The following NDRG1 variants were observed in gnomAD, a reference collection of about 807,000 sequenced individuals.
NDRG1 encodes N-myc downstream regulated 1.
Under a neutral mutation model 56.9 loss-of-function variants are expected in NDRG1, and 32 were observed. The ratio of observed to expected loss-of-function variants is 0.56; its 90% CI spans 0.42 to 0.76. NDRG1 has a LOEUF of 0.76. Among genes scored for constraint, NDRG1 ranks in the 30% least tolerant of loss-of-function variants. The pLI, the probability that NDRG1 is intolerant of heterozygous loss-of-function variation, is 0.00. For missense variants in NDRG1, 507 were observed against 545.7 expected (o/e 0.93, Z 0.71); for synonymous variants, 211 against 204.1 (o/e 1.03, Z -0.29).
rs991277941 is a variant in NDRG1, at chr8:133,244,478, G to A, written c.856-88C>T. On this transcript the variant is annotated intron_variant, in intron 13 of 15. Coordinates refer to ENST00000323851, the MANE Select transcript of NDRG1 (RefSeq NM_006096.4). ...ATTTTTTCCGAAAGGATGCCCATCC[G>A]CCCGCTGCCCTGCCCTGCCTTGTCC... The A allele has an allele frequency of 4.5e-5, 66 of 1,462,696 alleles. No individual in the cohort carries two copies. The African/African-American group carries it at 7.8e-4, about 17-fold the overall frequency. 90.6% of individuals were successfully genotyped at this position (1,462,696 alleles called of 1,614,324 possible).
At chr8:133,293,568 T>C (rs1461039940) in intron 1 of NDRG1, among the ~76,000 whole-genome samples, 1 of 152,200 alleles carries the variant, frequency 6.6e-6, no homozygotes, top group Non-Finnish European at 1.5e-5. Flanking sequence ...CAAGGCACTA[T>C]AGCAAACAAG....
intron 1 of NDRG1, among the ~76,000 whole-genome samples, chr8:133,286,749 T>A (rs999646604): frequency 2.0e-5 from 3 of 152,184 alleles, no homozygotes; most frequent in Admixed American, 2.0e-4. Context: ...CAATGTCTAG[T>A]GACATTATTT....
intron 10 of NDRG1, chr8:133,249,275 C>T (rs532261412): frequency 9.3e-6 from 2 of 214,440 alleles, no homozygotes; most frequent in African/African-American, 4.5e-5. Context: ...TCGTGTGAGG[C>T]CCAGTGTGGG....
chr8:133,281,455 G>A (rs1857797100), intron 2 of NDRG1, among the ~76,000 whole-genome samples: 1 of 152,028 alleles, frequency 6.6e-6, no homozygotes, highest in South Asian at 2.1e-4. Flanking sequence ...GAAAAGTCTT[G>A]TGTCCCCTCT....
chr8:133,273,172 AAC>A (rs35377463), intron 3 of NDRG1, among the ~76,000 whole-genome samples: 101,080 of 151,952 alleles, frequency 0.67, 35,506 homozygotes, highest in East Asian at 1. Flanking sequence ...TGAGCACACA[AAC>A]ACAGATTCCC....
chr8:133,282,141 T>C (rs920880939), intron 2 of NDRG1, among the ~76,000 whole-genome samples: 10 of 152,250 alleles, frequency 6.6e-5, no homozygotes, highest in South Asian at 2.1e-4. Flanking sequence ...ATGTGTTTCA[T>C]ACATAAAATG....
At chr8:133,289,128 C>T (rs1174521495) in intron 1 of NDRG1, among the ~76,000 whole-genome samples, 1 of 152,144 alleles carries the variant, frequency 6.6e-6, no homozygotes, top group Non-Finnish European at 1.5e-5. Flanking sequence ...GTTGCCCAGA[C>T]TGGTCTCAAA....
At chr8:133,276,889 T>C (rs1021635733) in intron 3 of NDRG1, among the ~76,000 whole-genome samples, 8 of 152,212 alleles carry the variant, frequency 5.3e-5, no homozygotes, top group African/African-American at 1.9e-4. Context: ...TCTGTACACA[T>C]GTTCACAGCA....
At chr8:133,254,464 A>G in intron 9 of NDRG1, 75 bp downstream of exon 9, 2 of 1,520,582 alleles carry the variant, frequency 1.3e-6, no homozygotes, top group Non-Finnish European at 1.8e-6. Flanking sequence ...CCACCCCCAC[A>G]TGGGGCCCTG....
At chr8:133,274,637 G>A (rs902469688) in intron 3 of NDRG1, among the ~76,000 whole-genome samples, 3 of 152,208 alleles carry the variant, frequency 2.0e-5, no homozygotes, top group African/African-American at 7.2e-5. Flanking sequence ...TCAGTAGGCT[G>A]AACATAAGCC....
At chr8:133,258,668 C>G (rs967615553) in intron 6 of NDRG1, among the ~76,000 whole-genome samples, 2 of 152,246 alleles carry the variant, frequency 1.3e-5, no homozygotes, top group African/African-American at 4.8e-5. Flanking sequence ...GAGAGACCGT[C>G]TGACATTTAC....
intron 1 of NDRG1, among the ~76,000 whole-genome samples, chr8:133,295,049 T>A (rs1230348219): frequency 6.6e-6 from 1 of 152,030 alleles, no homozygotes; most frequent in Admixed American, 6.5e-5. Flanking sequence ...CCTGTGTGAG[T>A]TTTTTATTCC....
At chr8:133,284,710 C>A (rs1240882322) in intron 1 of NDRG1, 2 of 459,706 alleles carry the variant, frequency 4.4e-6, no homozygotes, top group South Asian at 3.2e-5. Flanking sequence ...AGTCAGGCAG[C>A]CCCCGTGTGA....
intron 5 of NDRG1, among the ~76,000 whole-genome samples, chr8:133,260,089 C>T (rs1856587670): frequency 6.6e-6 from 1 of 152,180 alleles, no homozygotes; most frequent in South Asian, 2.1e-4. Context: ...ATGGCCATGG[C>T]TCAATTTGGA....
At chr8:133,284,198 T>C (rs1229580229) in intron 2 of NDRG1, 51 bp downstream of exon 2, 1 of 1,561,822 alleles carries the variant, frequency 6.4e-7, no homozygotes, top group African/African-American at 1.4e-5. Flanking sequence ...CCTGTGTGTG[T>C]CTATGTGCAC....
intron 5 of NDRG1, 122 bp from the exon 6 acceptor site, chr8:133,259,352 C>G (rs1431877009): frequency 2.1e-6 from 2 of 943,502 alleles, no homozygotes; most frequent in Admixed American, 3.6e-5. Flanking sequence ...GACCCCCCCA[C>G]CCCCAAGTCT....
At chr8:133,275,606 A>G (rs764780032) in intron 3 of NDRG1, among the ~76,000 whole-genome samples, 1 of 152,212 alleles carries the variant, frequency 6.6e-6, no homozygotes. Context: ...CTATCCCATC[A>G]CCTGGCTCCA....
intron 3 of NDRG1, among the ~76,000 whole-genome samples, chr8:133,266,195 G>T (rs1005476081): frequency 2.7e-4 from 41 of 152,324 alleles, no homozygotes; most frequent in Non-Finnish European, 1.8e-4. Flanking sequence ...CAGCCTCCGC[G>T]GGGCCCCAGG....
At chr8:133,256,168 A>G (rs1856359041) in intron 8 of NDRG1, 1 of 154,766 alleles carries the variant, frequency 6.5e-6, no homozygotes, top group Non-Finnish European at 1.4e-5. Flanking sequence ...CCTTAGCCAC[A>G]CCGAGTCCTT....
Sources: allele counts gnomAD v4.1 joint callset (sites outside exome capture counted in the v4.1 genomes callset), GRCh38; gene constraint gnomAD v4.1.1; transcripts MANE v1.5; gene names NCBI Gene and HGNC (gene_info 2026-07-23, HGNC 2026-07-21).